Variants in AGTPBP1 observed in about 807,000 individuals in gnomAD.
AGTPBP1 encodes cytosolic carboxypeptidase 1.
AGTPBP1 carries 70 observed loss-of-function variants against 143.9 expected under a neutral mutation model. That is an observed-to-expected ratio of 0.49 (90% CI 0.40 to 0.59). AGTPBP1 has a LOEUF of 0.59. Ranked by LOEUF, AGTPBP1 falls within the 20% of genes least tolerant of loss-of-function variation. AGTPBP1 has a pLI of 0.00. For synonymous variants in AGTPBP1, 463 were observed against 500.2 expected (o/e 0.93, Z 0.99); for missense variants, 1,229 against 1,464.5 (o/e 0.84, Z 2.62).
intron 3 of AGTPBP1, among the ~76,000 whole-genome samples, chr9:85,684,209 C>A (rs1490082631): frequency 1.3e-5 from 2 of 152,158 alleles, no homozygotes; most frequent in Admixed American, 6.5e-5. Context: ...CTTCTCAGAA[C>A]CTACATTTTT....
Position 85,619,228 on chromosome 9 carries a change from T to C in AGTPBP1, c.2173A>G (p.Ile725Val), listed in dbSNP as rs890486309. 2 of 1,613,004 alleles carry C rather than the reference T, an allele frequency of 1.2e-6. No individual in the cohort carries two copies. The highest frequency in any genetic ancestry group is 2.7e-5 in the African/African-American group (2 of 74,912). ...TAAGTGACTTACTTTCTAATTTGAA[T>C]TACTTTGCGCAGATTCCCAGACTCA... ...KFESGNLRKV[I>V]QIRKNEYDLI... The change falls in exon 16 of 26, where the codon ATT (isoleucine) becomes GTT (valine). Residue 725 changes from isoleucine (I) to valine (V), a missense_variant. By Grantham distance (29) the Ile-to-Val change is conservative. Coordinates refer to ENST00000357081, the MANE Select transcript of AGTPBP1 (RefSeq NM_001330701.2).
intron 13 of AGTPBP1, among the ~76,000 whole-genome samples, 174 bp downstream of exon 13, chr9:85,642,653 T>G (rs939108578): frequency 6.6e-6 from 1 of 152,106 alleles, no homozygotes; most frequent in African/African-American, 2.4e-5. Flanking sequence ...ATTTTACAAT[T>G]GCTTAACTGC....
chr9:85,581,327 A>T (rs1277736823), intron 23 of AGTPBP1, among the ~76,000 whole-genome samples: 1 of 152,246 alleles, frequency 6.6e-6, no homozygotes, highest in Non-Finnish European at 1.5e-5. Flanking sequence ...ATTTTGGCCA[A>T]GGCCTCAAGC....
the AGTPBP1 span, among the ~76,000 whole-genome samples, chr9:85,765,861 GA>G: frequency 1.3e-5 from 2 of 152,178 alleles, no homozygotes; most frequent in Non-Finnish European, 2.9e-5. Context: ...GAGAATTGAT[GA>G]AAGGATTGAC....
chr9:85,771,595 T>A, the AGTPBP1 span, among the ~76,000 whole-genome samples: 1 of 152,192 alleles, frequency 6.6e-6, no homozygotes, highest in East Asian at 1.9e-4. Context: ...TGAGAGTGCA[T>A]CCTATTGCTG....
At chr9:85,664,257 G>T (rs921244446) in intron 8 of AGTPBP1, among the ~76,000 whole-genome samples, 5 of 152,054 alleles carry the variant, frequency 3.3e-5, no homozygotes, top group Non-Finnish European at 7.4e-5. Context: ...TTTTTCACAG[G>T]TTTAGCCATA....
chr9:85,678,461 C>G (rs547442904), intron 4 of AGTPBP1, 63 bp from the exon 5 acceptor site: 1 of 1,049,732 alleles, frequency 9.5e-7, no homozygotes, highest in South Asian at 1.5e-5. Flanking sequence ...CTTTTGAATC[C>G]ACTGGGAACT....
intron 3 of AGTPBP1, among the ~76,000 whole-genome samples, chr9:85,683,871 A>G (rs1835337449): frequency 6.6e-6 from 1 of 152,108 alleles, no homozygotes; most frequent in Non-Finnish European, 1.5e-5. Flanking sequence ...ATCCAGTGTG[A>G]GGTAGCACTG....
the AGTPBP1 span, among the ~76,000 whole-genome samples, chr9:85,749,852 G>A: frequency 4.6e-5 from 7 of 151,114 alleles, no homozygotes; most frequent in East Asian, 1.2e-3. Context: ...GGAGCAACAT[G>A]TGGAAGAGGG....
chr9:85,620,512 A>G (rs1227249145), intron 15 of AGTPBP1, among the ~76,000 whole-genome samples: 1 of 152,114 alleles, frequency 6.6e-6, no homozygotes, highest in Non-Finnish European at 1.5e-5. Flanking sequence ...TGAGGGAGAG[A>G]AGAAAGCCAC....
intron 23 of AGTPBP1, among the ~76,000 whole-genome samples, chr9:85,579,423 G>A (rs1476978730): frequency 6.6e-6 from 1 of 152,004 alleles, no homozygotes. Context: ...AGTCATAAAA[G>A]ACTAATTGAG....
intron 22 of AGTPBP1, among the ~76,000 whole-genome samples, chr9:85,586,493 C>T (rs1038339749): frequency 2.0e-5 from 3 of 152,176 alleles, no homozygotes; most frequent in Admixed American, 6.5e-5. Context: ...TACTACATTT[C>T]CCCTGTGTGT....
At chr9:85,633,500 A>T in intron 13 of AGTPBP1, 126 bp from the exon 14 acceptor site, 1 of 672,632 alleles carries the variant, frequency 1.5e-6, no homozygotes. Context: ...ATAAAACCGG[A>T]TATGTTTTCA....
chr9:85,578,015 A>G lies in AGTPBP1; in HGVS notation c.3342+905T>C, dbSNP rs540209306. Reference sequence around the variant, plus strand: ...CAAGATCCTCTTTCCCCATAACAAAAGAAACAAACAAAATGGAATGAGCGG... The same window carrying G: ...CAAGATCCTCTTTCCCCATAACAAAGGAAACAAACAAAATGGAATGAGCGG... On this transcript the variant is annotated intron_variant, in intron 24 of 25. Coordinates refer to ENST00000357081, the MANE Select transcript of AGTPBP1 (RefSeq NM_001330701.2). 3.3e-5 allele frequency among the ~76,000 whole-genome samples: 5 copies of G among 152,316 alleles called. 1 individual carries two copies. In the South Asian group the frequency reaches 1.0e-3, roughly 32 times the overall value.
intron 14 of AGTPBP1, among the ~76,000 whole-genome samples, chr9:85,625,016 T>C (rs1831182678): frequency 6.6e-6 from 1 of 152,228 alleles, no homozygotes; most frequent in Non-Finnish European, 1.5e-5. Context: ...TACACCATAA[T>C]TTAACTAGTC....
rs1828835348 is a variant in AGTPBP1 at position 85,589,687 on chromosome 9, TAAA to T, written c.2569-9_2569-7del. On this transcript the variant is annotated splice_polypyrimidine_tract_variant and splice_region_variant and intron_variant, in intron 19 of 25. Coordinates refer to ENST00000357081, the MANE Select transcript of AGTPBP1 (RefSeq NM_001330701.2). ...TCCAATTTTTGAAGATGCATCTTGATAAAAATTTTAAAACAAAATATACAATCA... is the reference window on the plus strand; with the variant it reads ...TCCAATTTTTGAAGATGCATCTTGATAATTTTAAAACAAAATATACAATCA... 1 of 1,600,606 alleles carries T rather than the reference TAAA, an allele frequency of 6.2e-7. No individual in the cohort carries two copies. Among genetic ancestry groups the T allele is most frequent in the African/African-American group, 1.3e-5 (1 of 74,194 alleles).
At chr9:85,739,245 T>G (rs1824050848) in intron 1 of AGTPBP1, among the ~76,000 whole-genome samples, 1 of 152,138 alleles carries the variant, frequency 6.6e-6, no homozygotes, top group South Asian at 2.1e-4. Flanking sequence ...CTACAAAATT[T>G]ATGTTGTTTA....
At chr9:85,752,121 C>T in the AGTPBP1 span, among the ~76,000 whole-genome samples, 10 of 151,824 alleles carry the variant, frequency 6.6e-5, no homozygotes, top group Non-Finnish European at 1.3e-4. Flanking sequence ...CCTATAATAC[C>T]AGCTACTCAG....
At chr9:85,746,825 C>G (rs912697819), upstream of AGTPBP1, among the ~76,000 whole-genome samples, 1 of 151,972 alleles carries the variant, frequency 6.6e-6, no homozygotes, top group African/African-American at 2.4e-5. Flanking sequence ...AATCATTTCA[C>G]TATGTATATC....
Sources: allele counts gnomAD v4.1 joint callset (sites outside exome capture counted in the v4.1 genomes callset), GRCh38; gene constraint gnomAD v4.1.1; transcripts MANE v1.5; gene names NCBI Gene and HGNC (gene_info 2026-07-23, HGNC 2026-07-21).